The following ENOX1 variants were observed in gnomAD, a reference collection of about 807,000 sequenced individuals.
The protein encoded by ENOX1 is candidate growth-related and time keeping constitutive hydroquinone (NADH) oxidase.
Under a neutral mutation model 82.5 loss-of-function variants are expected in ENOX1, and 42 were observed. The ratio of observed to expected loss-of-function variants is 0.51; its 90% confidence interval spans 0.40 to 0.66. The LOEUF is 0.66. Among genes scored for constraint, ENOX1 ranks in the 30% least tolerant of loss-of-function variants. ENOX1 has a pLI of 0.00. For synonymous variants in ENOX1, 271 were observed against 282.2 expected, an observed-to-expected ratio of 0.96 and a Z score of 0.40; for missense variants, 608 against 811.6, an observed-to-expected ratio of 0.75 and a Z score of 3.05.
At chr13:43,446,827 TG>T (rs1217478149) in intron 3 of ENOX1, among the ~76,000 whole-genome samples, 1 of 152,212 alleles carries the variant, frequency 6.6e-6, no homozygotes, top group African/African-American at 2.4e-5. Context: ...ATGCCCATCC[TG>T]GGGGCACAGT....
chr13:43,348,168 G>A (rs895338520), intron 8 of ENOX1, among the ~76,000 whole-genome samples: 2 of 152,292 alleles, frequency 1.3e-5, no homozygotes, highest in South Asian at 2.1e-4. Context: ...AAGATTCAGC[G>A]TAAGTGCCCT....
intron 11 of ENOX1, among the ~76,000 whole-genome samples, chr13:43,301,574 T>C (rs866530632): frequency 2.6e-4 from 38 of 145,458 alleles, no homozygotes; most frequent in South Asian, 4.3e-4. Flanking sequence ...CAGCTGTAAT[T>C]CCCCCACCAA....
At chr13:43,736,042 A>AT (rs910171229) in intron 1 of ENOX1, among the ~76,000 whole-genome samples, 22 of 151,698 alleles carry the variant, frequency 1.5e-4, no homozygotes, top group Non-Finnish European at 2.2e-4. Context: ...TCTTTCATTG[A>AT]TTTTTTTTTA....
intron 9 of ENOX1, among the ~76,000 whole-genome samples, chr13:43,333,742 C>T (rs2048542588): frequency 6.6e-6 from 1 of 152,232 alleles, no homozygotes; most frequent in African/African-American, 2.4e-5. Flanking sequence ...TCAGCCTCAG[C>T]CTTCCGAGTA....
At chr13:43,486,908 C>T (rs1324011326) in intron 2 of ENOX1, among the ~76,000 whole-genome samples, 4 of 152,234 alleles carry the variant, frequency 2.6e-5, no homozygotes, top group Non-Finnish European at 5.9e-5. Flanking sequence ...TGCAGTGGCT[C>T]ACGCCTATAA....
Position 43,705,322 on chromosome 13 carries a change from C to A in ENOX1, c.-284-37778G>T, listed in dbSNP as rs1276554688. On this transcript the variant is annotated intron_variant, in intron 1 of 16. Coordinates refer to ENST00000690772, the MANE Select transcript of ENOX1 (RefSeq NM_001347969.2). ...AAACAACAACTCTCTCTCTCTCTCT[C>A]TCTCTCTCTATATATATATATATTT... Among the ~76,000 whole-genome samples the A allele has an allele frequency of 4.7e-4, 13 of 27,494 alleles. No homozygotes were observed. In the South Asian group the frequency reaches 0.02, roughly 42 times the overall value. 18.0% of individuals were successfully genotyped at this position (27,494 alleles called of 152,430 possible). A position where few individuals can be genotyped will look rare whatever the true frequency, so the allele number is the denominator to read the frequency against.
rs77186344 is a variant in ENOX1 at position 43,470,370 on chromosome 13, A to G, written c.-75+13639T>C. ...TATATATATGTATATATATACGTATATATATACATATATATACGTATATAT... is the reference window on the plus strand; with the variant it reads ...TATATATATGTATATATATACGTATGTATATACATATATATACGTATATAT... On this transcript the variant is annotated intron_variant, in intron 3 of 16. Coordinates refer to ENST00000690772, the MANE Select transcript of ENOX1 (RefSeq NM_001347969.2). 2.3e-3 allele frequency among the ~76,000 whole-genome samples: 71 copies of G among 30,586 alleles called. 21 individuals are homozygous for G. The highest frequency in any genetic ancestry group is 6.1e-3 in the Non-Finnish European group (57 of 9,300). 20.1% of individuals were successfully genotyped at this position (30,586 alleles called of 152,430 possible). A position where few individuals can be genotyped will look rare whatever the true frequency, so the allele number is the denominator to read the frequency against.
rs117501340 is a variant in ENOX1 at position 43,701,467 on chromosome 13, A to G, written c.-284-33923T>C. 1.5e-3 allele frequency among the ~76,000 whole-genome samples: 228 copies of G among 152,282 alleles called. 4 individuals carry two copies. In the East Asian group the frequency reaches 0.034, roughly 23 times the overall value. ...CTTTATGAATAGGGTTTATCTGCTC[A>G]TAACTGTTATACCCATGCAATTATT... On this transcript the variant is annotated intron_variant, in intron 1 of 16. Transcript: ENST00000690772.
intron 15 of ENOX1, among the ~76,000 whole-genome samples, chr13:43,230,128 G>C (rs565455511): frequency 6.6e-6 from 1 of 152,250 alleles, no homozygotes; most frequent in Non-Finnish European, 1.5e-5. Flanking sequence ...ACTCTGAGAG[G>C]GTTTAATCAA....
chr13:43,268,879 G>C (rs2044529094), intron 13 of ENOX1, among the ~76,000 whole-genome samples: 1 of 152,142 alleles, frequency 6.6e-6, no homozygotes, highest in Admixed American at 6.5e-5. Flanking sequence ...TCTGCTGCCT[G>C]CCGAGTGTTC....
chr13:43,299,564 A>G (rs2046459098), intron 11 of ENOX1, among the ~76,000 whole-genome samples: 2 of 152,130 alleles, frequency 1.3e-5, no homozygotes, highest in African/African-American at 4.8e-5. Flanking sequence ...AAGTAGCAGA[A>G]AGCCTTCACA....
At chr13:43,316,934 G>A (rs2047530596) in intron 11 of ENOX1, among the ~76,000 whole-genome samples, 1 of 152,150 alleles carries the variant, frequency 6.6e-6, no homozygotes, top group Admixed American at 6.5e-5. Flanking sequence ...TTCCTTGTTT[G>A]GCCCCCTTGG....
chr13:43,308,483 T>A (rs1315841666), intron 11 of ENOX1, among the ~76,000 whole-genome samples: 5 of 152,232 alleles, frequency 3.3e-5, no homozygotes, highest in Non-Finnish European at 7.3e-5. Context: ...AAGTTTCTGC[T>A]TTGTTCATTA....
chr13:43,616,186 C>CTATCTAGATATATATATATA (rs1566642245), intron 2 of ENOX1, among the ~76,000 whole-genome samples: 20 of 6,928 alleles, frequency 2.9e-3, no homozygotes, highest in Non-Finnish European at 0.016. Flanking sequence ...ATCTATCTAT[C>CTATCTAGATATATATATATA]TATATATATA....
At chr13:43,311,129 C>T (rs147862568) in intron 11 of ENOX1, among the ~76,000 whole-genome samples, 4 of 152,068 alleles carry the variant, frequency 2.6e-5, no homozygotes, top group East Asian at 3.9e-4. Context: ...GAGAGACACA[C>T]TCGACATAAC....
rs9567149 is a variant in ENOX1 at position 43,325,672 on chromosome 13, T to A, written c.1143+747A>T. Among the ~76,000 whole-genome samples the A allele has an allele frequency of 7.2e-3, 1,098 of 152,218 alleles. 43 individuals are homozygous for A. The East Asian group carries it at 0.085, about 12-fold the overall frequency. ...TTAACATGCTAGAGATGGAGAGGCA[T>A]CCAAATGAAAAACATTCTTTCATTA... On this transcript the variant is annotated intron_variant, in intron 10 of 16. Transcript: ENST00000690772.
intron 2 of ENOX1, among the ~76,000 whole-genome samples, chr13:43,506,641 G>A (rs1241557945): frequency 7.4e-6 from 1 of 134,626 alleles, no homozygotes; most frequent in Admixed American, 7.5e-5. Context: ...ATACACCATG[G>A]AATACTATGC....
intron 2 of ENOX1, among the ~76,000 whole-genome samples, chr13:43,485,527 G>A (rs1234501635): frequency 6.6e-6 from 1 of 152,192 alleles, no homozygotes; most frequent in Non-Finnish European, 1.5e-5. Context: ...AAAGAAACAA[G>A]GGAAAACGAT....
At chr13:43,617,103 C>T (rs951398460) in intron 2 of ENOX1, among the ~76,000 whole-genome samples, 2 of 152,154 alleles carry the variant, frequency 1.3e-5, no homozygotes, top group African/African-American at 4.8e-5. Flanking sequence ...CTAGAAATTG[C>T]TGTCCTGCCC....
Sources: allele counts gnomAD v4.1 joint callset (sites outside exome capture counted in the v4.1 genomes callset), GRCh38; gene constraint gnomAD v4.1.1; transcripts MANE v1.5; gene names NCBI Gene and HGNC (gene_info 2026-07-23, HGNC 2026-07-21).